The following ITGAL variants were observed in gnomAD, a reference collection of about 807,000 sequenced individuals.
ITGAL encodes integrin alpha-L.
ITGAL carries 68 observed loss-of-function variants against 138.4 expected under a neutral mutation model. That is an observed-to-expected ratio of 0.49 (90% confidence interval 0.40 to 0.60). The LOEUF is 0.60. Among genes scored for constraint, ITGAL ranks in the 20% least tolerant of loss-of-function variants. The probability of loss-of-function intolerance (pLI) is 0.00; values close to 1 mark genes in which losing one functional copy is unlikely to be tolerated. For synonymous variants in ITGAL, 561 were observed against 584.3 expected, an observed-to-expected ratio of 0.96 and a Z score of 0.57; for missense variants, 1,256 against 1,478.6, an observed-to-expected ratio of 0.85 and a Z score of 2.47.
chr16:30,494,459 G>T lies in ITGAL; in HGVS notation c.1365+96G>T. On this transcript the variant is annotated intron_variant, in intron 12 of 30. Transcript: ENST00000356798. This position sits in a 1 kb window ranked among gnomAD's most constrained non-coding sequence, Gnocchi z 4.2. ...TGAATGCTCATCCACTTACCATGTG[G>T]CAGCCCCTGTGCTAAACATGATCAC... 7.5e-7 allele frequency: 1 copy of T among 1,328,694 alleles called. No homozygotes were observed. Among genetic ancestry groups the T allele is most frequent in the Non-Finnish European group, 1.0e-6 (1 of 977,016 alleles). The allele number at this position is 1,328,694 out of a possible 1,614,324, so 82.3% of individuals were successfully genotyped here.
At chr16:30,508,002 G>C (rs1196889534) in intron 21 of ITGAL, among the ~76,000 whole-genome samples, 1 of 149,398 alleles carries the variant, frequency 6.7e-6, no homozygotes, top group South Asian at 2.1e-4. Flanking sequence ...TCCACCTCCC[G>C]GGTTCACGCC....
intron 25 of ITGAL, 74 bp from the exon 26 acceptor site, chr16:30,516,899 A>G (rs985783420): frequency 4.9e-6 from 5 of 1,024,100 alleles, no homozygotes; most frequent in Non-Finnish European, 7.8e-6. Flanking sequence ...GAGGCGTGCA[A>G]GGGCACACAG....
intron 1 of ITGAL, 124 bp from the exon 2 acceptor site, chr16:30,474,072 G>A (rs11574938): frequency 6.9e-6 from 5 of 726,472 alleles, no homozygotes; most frequent in Non-Finnish European, 1.2e-5. Flanking sequence ...CGCCCTGGAG[G>A]GGAAGCGCAG....
At chr16:30,509,186 A>T (rs2051051174) in intron 21 of ITGAL, among the ~76,000 whole-genome samples, 1 of 151,814 alleles carries the variant, frequency 6.6e-6, no homozygotes, top group African/African-American at 2.4e-5. Context: ...CAAAAAAAAA[A>T]AAAAAAGAGA....
intron 20 of ITGAL, 36 bp downstream of exon 20, chr16:30,505,498 A>T (rs773638508): frequency 6.5e-6 from 10 of 1,535,054 alleles, no homozygotes; most frequent in Non-Finnish European, 7.2e-6. Context: ...CCTCCCATCC[A>T]CTCTGTTTTA....
chr16:30,499,536 C>T (rs756273501), intron 17 of ITGAL, 47 bp downstream of exon 17: 19 of 1,593,150 alleles, frequency 1.2e-5, no homozygotes, highest in East Asian at 2.2e-5. Context: ...CCTGCAGGGG[C>T]AGGCTCAGCT....
chr16:30,503,329 T>C (rs2050933446), intron 17 of ITGAL, among the ~76,000 whole-genome samples: 1 of 152,044 alleles, frequency 6.6e-6, no homozygotes, highest in Admixed American at 6.6e-5. Flanking sequence ...AAGAAAGCAG[T>C]GTGACATGGT....
chr16:30,505,426 G>A lies in ITGAL; in HGVS notation c.2330G>A (p.Cys777Tyr). ...FEKNCGEDKK[C>Y]EANLRVSFSP... ...AAGAACTGTGGGGAGGACAAGAAGT[G>A]TGAGGCAAACTTGAGAGTGTCCTTC... The change falls in exon 20 of 31, where the codon TGT (cysteine) becomes TAT (tyrosine). Residue 777 changes from cysteine to tyrosine, a missense_variant. Physicochemically the swap from Cys to Tyr is radical, Grantham distance 194. Transcript: ENST00000356798. 1 of 1,614,070 alleles carries A rather than the reference G, an allele frequency of 6.2e-7. No individual in the cohort carries two copies. Among genetic ancestry groups the A allele is most frequent in the Non-Finnish European group, 8.5e-7 (1 of 1,180,016 alleles).
chr16:30,478,247 T>C (rs547467423), intron 4 of ITGAL, among the ~76,000 whole-genome samples: 2 of 148,030 alleles, frequency 1.4e-5, no homozygotes, highest in African/African-American at 5.0e-5. Flanking sequence ...GGCAGGAGAA[T>C]CACTTGAACC....
At chr16:30,518,305 C>T (rs148791063) in intron 28 of ITGAL, among the ~76,000 whole-genome samples, 22 of 151,972 alleles carry the variant, frequency 1.4e-4, no homozygotes, top group Admixed American at 4.6e-4. Context: ...AAACTTTAGC[C>T]GGGCGTGGTG....
At chr16:30,490,764 T>A (rs1356906817) in intron 11 of ITGAL, among the ~76,000 whole-genome samples, 1 of 152,058 alleles carries the variant, frequency 6.6e-6, no homozygotes, top group Non-Finnish European at 1.5e-5. Flanking sequence ...GGTCAAGAGT[T>A]CAAGACCAGC....
At chr16:30,485,147 C>CT (rs1323084187) in intron 9 of ITGAL, among the ~76,000 whole-genome samples, 10 of 151,062 alleles carry the variant, frequency 6.6e-5, no homozygotes, top group African/African-American at 2.4e-4. Flanking sequence ...CCTTCCTTCC[C>CT]TTTCCCTCTC....
chr16:30,481,061 G>A, intron 6 of ITGAL: 1 of 225,032 alleles, frequency 4.4e-6, no homozygotes, highest in Non-Finnish European at 8.8e-6. Flanking sequence ...TAGCACTTTG[G>A]GAGGCTGAGG....
chr16:30,481,217 G>A (rs2050554573), intron 6 of ITGAL: 3 of 478,890 alleles, frequency 6.3e-6, no homozygotes, highest in Admixed American at 7.2e-5. Flanking sequence ...GTGGTGGCAC[G>A]TGCCTGTAAT....
At chr16:30,519,640 G>A in intron 29 of ITGAL, 1 of 543,552 alleles carries the variant, frequency 1.8e-6, no homozygotes, top group South Asian at 2.2e-5. Context: ...CGATTCCGGG[G>A]AAGCCATTGA....
In ITGAL at chr16:30,489,346, G is replaced by T; in HGVS notation, c.1173G>T (p.Gly391=). Residue 391 remains glycine (G), a synonymous_variant, in exon 11 of 31, where the codon GGG becomes GGT. Coordinates refer to ENST00000356798, the MANE Select transcript of ITGAL (RefSeq NM_002209.3). Reference sequence around the variant, plus strand: ...ACCTGCAGGATGACACATTTATTGGGAATGAACCATTGACACCAGAAGTGA... The same window carrying T: ...ACCTGCAGGATGACACATTTATTGGTAATGAACCATTGACACCAGAAGTGA... The part of the protein sequence containing the change: ...KADLQDDTFI[G]NEPLTPEVRA... The T allele has an allele frequency of 6.2e-7, 1 of 1,614,154 alleles. No individual in the cohort carries two copies. Among genetic ancestry groups the T allele is most frequent in the East Asian group, 2.2e-5 (1 of 44,886 alleles).
At position 30,483,815 on chromosome 16, in the gene ITGAL, T is replaced by A; in HGVS notation, c.723-12T>A. ...TGGGGGAGTCTCTCATCTCCTCCTT[T>A]CCTGGACACAGGACAGAGGTGTTCC... is the stretch of plus-strand genomic sequence containing the variant. On this transcript the variant is annotated splice_polypyrimidine_tract_variant and intron_variant, in intron 7 of 30. Coordinates refer to ENST00000356798, the MANE Select transcript of ITGAL (RefSeq NM_002209.3). The A allele has an allele frequency of 6.2e-7, 1 of 1,604,374 alleles. No homozygotes were observed. Among genetic ancestry groups the A allele is most frequent in the Non-Finnish European group, 8.5e-7 (1 of 1,173,538 alleles).
chr16:30,474,648 C>T (rs543777633), intron 2 of ITGAL: 1 of 245,884 alleles, frequency 4.1e-6, no homozygotes, highest in South Asian at 6.3e-5. Context: ...ACGCCACCGC[C>T]CAGCACACAG....
chr16:30,513,745 C>T (rs541566344), intron 24 of ITGAL, 26 bp from the exon 25 acceptor site: 1 of 1,593,486 alleles, frequency 6.3e-7, no homozygotes, highest in Non-Finnish European at 8.6e-7. Flanking sequence ...CTTCGTTCTT[C>T]CATCGCTGCC....
Sources: allele counts gnomAD v4.1 joint callset (sites outside exome capture counted in the v4.1 genomes callset), GRCh38; gene constraint gnomAD v4.1.1; non-coding constraint Gnocchi (gnomAD v3.1); transcripts MANE v1.5; gene names NCBI Gene and HGNC (gene_info 2026-07-23, HGNC 2026-07-21).